Variants in PELI2 observed in about 807,000 individuals in gnomAD.
PELI2 encodes pellino E3 ubiquitin protein ligase family member 2, also known as E3 ubiquitin-protein ligase pellino homolog 2.
A neutral mutation model predicts 42.3 loss-of-function variants in PELI2; 23 were observed. That is an observed-to-expected ratio of 0.54 (90% CI 0.39 to 0.77). The LOEUF (loss-of-function observed/expected upper bound fraction) is 0.77, where lower values mean the gene tolerates loss of function less well. Among genes scored for constraint, PELI2 ranks in the 30% least tolerant of loss-of-function variants. The pLI is 0.00. For synonymous variants in PELI2, 245 were observed against 212.2 expected (o/e 1.15, Z -1.34); for missense variants, 463 against 553.2 (o/e 0.84, Z 1.64).
At chr14:56,214,053 G>A (rs192170069) in intron 2 of PELI2, among the ~76,000 whole-genome samples, 143 of 152,238 alleles carry the variant, frequency 9.4e-4, no homozygotes, top group Middle Eastern at 3.4e-3. Flanking sequence ...GGGTTTCACC[G>A]TGTTGGCCAG....
rs150627022 is a variant in PELI2, at chr14:56,134,558, G to C, written c.77+15821G>C. On this transcript the variant is annotated intron_variant, in intron 1 of 5. Coordinates refer to ENST00000267460, the MANE Select transcript of PELI2 (RefSeq NM_021255.3). ...TTATAATCTATATGTGATATTTGCTGTTCAGCCAATTTTGATGTATTCTTT... is the reference window on the plus strand; with the variant it reads ...TTATAATCTATATGTGATATTTGCTCTTCAGCCAATTTTGATGTATTCTTT... Among the ~76,000 whole-genome samples, 556 of 152,112 alleles carry C rather than the reference G, an allele frequency of 3.7e-3. 2 individuals carry two copies. The highest frequency in any genetic ancestry group is 6.3e-3 in the Non-Finnish European group (427 of 68,004).
At chr14:56,293,096 G>A (rs531966931) in intron 5 of PELI2, among the ~76,000 whole-genome samples, 18 of 152,194 alleles carry the variant, frequency 1.2e-4, no homozygotes, top group East Asian at 3.9e-4. Context: ...AAAATAACCC[G>A]TGAAGTCAGT....
At position 56,298,715 on chromosome 14, in the gene PELI2, C is replaced by T. The variant is rs901047728; in HGVS notation, c.*1549C>T. The T allele has an allele frequency of 2.0e-5, 3 of 152,684 alleles. No individual in the cohort carries two copies. Among genetic ancestry groups the T allele is most frequent in the East Asian group, 3.9e-4 (2 of 5,178 alleles). The allele number at this position is 152,684 out of a possible 1,614,324, so 9.5% of individuals were successfully genotyped here. Reference sequence around the variant, plus strand: ...GAATACGCTTTTCCTTAAAGTGATACGATAATATTACTCTTGATTGCTGCT... The same window carrying T: ...GAATACGCTTTTCCTTAAAGTGATATGATAATATTACTCTTGATTGCTGCT... On this transcript the variant is annotated 3_prime_UTR_variant, in exon 6 of 6. Coordinates refer to ENST00000267460, the MANE Select transcript of PELI2 (RefSeq NM_021255.3).
chr14:56,139,546 T>A (rs1256543300), intron 1 of PELI2, among the ~76,000 whole-genome samples: 2 of 152,152 alleles, frequency 1.3e-5, no homozygotes, highest in Non-Finnish European at 2.9e-5. Flanking sequence ...TTTGGGTACG[T>A]TTTACATTAT....
At chr14:56,147,782 AGAT>A (rs1416541411) in intron 1 of PELI2, among the ~76,000 whole-genome samples, 1 of 152,184 alleles carries the variant, frequency 6.6e-6, no homozygotes, top group East Asian at 1.9e-4. Flanking sequence ...GAGGAAGAGA[AGAT>A]ATTTTGAGGT....
intron 2 of PELI2, among the ~76,000 whole-genome samples, chr14:56,198,726 A>G (rs1886228428): frequency 6.6e-6 from 1 of 152,132 alleles, no homozygotes; most frequent in African/African-American, 2.4e-5. Context: ...CTTTTTAATG[A>G]TGGATGATAG....
At chr14:56,247,929 G>A (rs566121601) in intron 2 of PELI2, among the ~76,000 whole-genome samples, 22 of 152,250 alleles carry the variant, frequency 1.4e-4, no homozygotes, top group African/African-American at 5.3e-4. Flanking sequence ...AAATATAAAC[G>A]ACAGATGTCT....
chr14:56,265,046 AAC>A (rs1332382361), intron 2 of PELI2, among the ~76,000 whole-genome samples: 1 of 152,208 alleles, frequency 6.6e-6, no homozygotes. Context: ...CAGAAAACTC[AAC>A]AGTGATGTGA....
intron 4 of PELI2, among the ~76,000 whole-genome samples, chr14:56,289,999 G>A (rs985286107): frequency 1.3e-5 from 2 of 152,298 alleles, no homozygotes; most frequent in African/African-American, 4.8e-5. Flanking sequence ...AAGAATCTTA[G>A]AGGGAGAAGC....
At chr14:56,133,383 T>C (rs1883567293) in intron 1 of PELI2, among the ~76,000 whole-genome samples, 1 of 152,178 alleles carries the variant, frequency 6.6e-6, no homozygotes, top group African/African-American at 2.4e-5. Flanking sequence ...TCTGTATGTT[T>C]TAACAGGATA....
rs377609107 is a variant in PELI2, at chr14:56,153,153, G to A, written c.78-25182G>A. Reference sequence around the variant, plus strand: ...TCATTACATTAGCATTTTAAAAAAAGCATGAGAAAGATCATAAGGAAAATC... The same window carrying A: ...TCATTACATTAGCATTTTAAAAAAAACATGAGAAAGATCATAAGGAAAATC... On this transcript the variant is annotated intron_variant, in intron 1 of 5. Transcript: ENST00000267460. Among the ~76,000 whole-genome samples, 10 of 152,282 alleles carry A rather than the reference G, an allele frequency of 6.6e-5. No individual in the cohort carries two copies. The East Asian group carries it at 9.6e-4, about 15-fold the overall frequency.
At chr14:56,258,813 A>G (rs537945241) in intron 2 of PELI2, among the ~76,000 whole-genome samples, 1 of 152,260 alleles carries the variant, frequency 6.6e-6, no homozygotes, top group East Asian at 1.9e-4. Flanking sequence ...TAAAAGGCCA[A>G]AATTTTTCAA....
chr14:56,192,742 T>C (rs745795795), intron 2 of PELI2, among the ~76,000 whole-genome samples: 17 of 152,256 alleles, frequency 1.1e-4, no homozygotes, highest in Non-Finnish European at 2.1e-4. Context: ...ACTCAACTCA[T>C]AGATTAGAAT....
intron 1 of PELI2, among the ~76,000 whole-genome samples, chr14:56,151,469 G>A (rs1016960749): frequency 6.6e-6 from 1 of 152,142 alleles, no homozygotes; most frequent in Non-Finnish European, 1.5e-5. Flanking sequence ...TTTCTCAAGG[G>A]GCTGAACTTC....
At chr14:56,286,872 G>A (rs1566684923) in intron 3 of PELI2, among the ~76,000 whole-genome samples, 3 of 152,168 alleles carry the variant, frequency 2.0e-5, no homozygotes, top group Admixed American at 2.0e-4. Flanking sequence ...TCATGTGTAT[G>A]ACCGATCAAG....
intron 2 of PELI2, among the ~76,000 whole-genome samples, chr14:56,234,419 CCA>C (rs1202630869): frequency 6.6e-6 from 1 of 152,116 alleles, no homozygotes; most frequent in Admixed American, 6.6e-5. Context: ...TACTATACAG[CCA>C]CAAAAAAGGA....
chr14:56,150,717 T>C (rs1397832707), intron 1 of PELI2, among the ~76,000 whole-genome samples: 1 of 152,210 alleles, frequency 6.6e-6, no homozygotes, highest in African/African-American at 2.4e-5. Context: ...AGGCTTGATA[T>C]GGACACTGAG....
At chr14:56,270,214 T>C (rs1163690652) in intron 2 of PELI2, among the ~76,000 whole-genome samples, 1 of 152,204 alleles carries the variant, frequency 6.6e-6, no homozygotes, top group Non-Finnish European at 1.5e-5. Context: ...TGATTTTGAT[T>C]TACTAGAAAA....
intron 2 of PELI2, among the ~76,000 whole-genome samples, chr14:56,234,962 C>T (rs997815858): frequency 2.6e-5 from 4 of 152,056 alleles, no homozygotes; most frequent in African/African-American, 9.7e-5. Flanking sequence ...TGGATCTTCC[C>T]AACAGAGCTT....
Sources: gnomAD v4.1 joint callset for allele counts (sites outside exome capture counted in the v4.1 genomes callset) on GRCh38, gnomAD v4.1.1 for gene constraint, MANE v1.5 for transcripts, NCBI Gene and HGNC (gene_info 2026-07-23, HGNC 2026-07-21) for gene names.